The following REXO1 variants were observed in gnomAD, a reference collection of about 807,000 sequenced individuals.
REXO1 encodes REX1, RNA exonuclease 1 homolog.
In REXO1, 42 loss-of-function variants were observed where a neutral mutation model predicts 102.6. The ratio of observed to expected loss-of-function variants is 0.41; its 90% CI spans 0.32 to 0.53. The LOEUF (loss-of-function observed/expected upper bound fraction) is 0.53. REXO1 is among the 20% of genes least tolerant of loss of function. The pLI is 0.27. For missense variants in REXO1, 1,819 were observed against 1,732.5 expected, an observed-to-expected ratio of 1.05 and a Z score of -0.89; for synonymous variants, 908 against 779.1, an observed-to-expected ratio of 1.17 and a Z score of -2.76.
At chr19:1,817,595 G>A in intron 11 of REXO1, 112 bp downstream of exon 11, 1 of 1,442,864 alleles carries the variant, frequency 6.9e-7, no homozygotes, top group Non-Finnish European at 9.4e-7. Flanking sequence ...GGCTGCCCGG[G>A]GGCCCAGACC....
rs200703160 is a variant in REXO1, at chr19:1,816,110, G to A, written c.3622C>T (p.Leu1208=). ...TCTTCTCGAACCTTCCAGATCACCA[G>A]GTGCATGCAGGCGCCGGCGTCCTCG... ...SSEDAGACMH[L]VIWKVREDAK... The change falls in exon 16 of 16, where the codon CTG becomes TTG. Residue 1208 remains leucine (L), a synonymous_variant. Coordinates refer to ENST00000170168, the MANE Select transcript of REXO1 (RefSeq NM_020695.4). 2 of 1,549,414 alleles carry A rather than the reference G, an allele frequency of 1.3e-6. No individual in the cohort carries two copies. Among genetic ancestry groups the A allele is most frequent in the Admixed American group, 3.9e-5 (2 of 51,058 alleles).
At chr19:1,841,205 A>G (rs2011259213) in intron 1 of REXO1, among the ~76,000 whole-genome samples, 1 of 151,892 alleles carries the variant, frequency 6.6e-6, no homozygotes, top group Admixed American at 6.6e-5. Flanking sequence ...TCTCCCTTCT[A>G]CCCTGTTTAT....
Position 1,819,148 on chromosome 19 carries a change from G to A in REXO1, c.2651-17C>T. The A allele has an allele frequency of 6.5e-7, 1 of 1,538,232 alleles. No homozygotes were observed. The highest frequency in any genetic ancestry group is 1.2e-5 in the South Asian group (1 of 81,816). On this transcript the variant is annotated splice_polypyrimidine_tract_variant and intron_variant, in intron 7 of 15. Transcript: ENST00000170168. ...CACTGGTTTCTGGAAGGAAGGGAGG[G>A]AGGGGAGGAGGGTGTGAAGTAGCTG...
At chr19:1,830,058 C>T (rs898448378) in intron 1 of REXO1, among the ~76,000 whole-genome samples, 7 of 152,176 alleles carry the variant, frequency 4.6e-5, no homozygotes, top group African/African-American at 7.2e-5. Context: ...ATGCCACCAA[C>T]GTCAGCACAG....
At chr19:1,845,392 G>A (rs770178799) in intron 1 of REXO1, among the ~76,000 whole-genome samples, 56 of 152,190 alleles carry the variant, frequency 3.7e-4, no homozygotes, top group African/African-American at 1.0e-3. Context: ...AGCCCAGCGC[G>A]GTGCTTCACG....
At chr19:1,822,171 G>T in intron 4 of REXO1, 1 of 337,940 alleles carries the variant, frequency 3.0e-6, no homozygotes, top group Non-Finnish European at 5.3e-6. Context: ...CTGCAACCTG[G>T]GCATGTACGT....
intron 2 of REXO1, 54 bp from the exon 3 acceptor site, chr19:1,825,997 C>G: frequency 7.5e-7 from 1 of 1,327,236 alleles, no homozygotes; most frequent in African/African-American, 1.5e-5. Flanking sequence ...CCAACACCAA[C>G]ACACCCCAAC....
chr19:1,827,943 G>A lies in REXO1; in HGVS notation c.846C>T (p.Cys282=), dbSNP rs149062593. ...PKKLCDPFGS[C]DARFSDSEDE... is the part of the protein sequence containing the mutation. ...CTTCTGAGTCTGAGAACCTTGCATCGCAACTGCCAAAGGGGTCACAGAGCT... is the reference window on the plus strand; with the variant it reads ...CTTCTGAGTCTGAGAACCTTGCATCACAACTGCCAAAGGGGTCACAGAGCT... Residue 282 remains cysteine (C), a synonymous_variant, in exon 2 of 16, where the codon TGC becomes TGT. Transcript: ENST00000170168. The A allele has an allele frequency of 2.1e-4, 338 of 1,613,698 alleles. No homozygotes were observed. The African/African-American group carries it at 3.6e-3, about 17-fold the overall frequency.
chr19:1,829,546 C>A (rs945883283), intron 1 of REXO1, among the ~76,000 whole-genome samples: 1 of 152,134 alleles, frequency 6.6e-6, no homozygotes, highest in Admixed American at 6.5e-5. Context: ...CGGTGGCGCA[C>A]GCCTGTAATC....
chr19:1,821,812 G>T (rs1273314768), intron 4 of REXO1, 130 bp from the exon 5 acceptor site: 1 of 808,434 alleles, frequency 1.2e-6, no homozygotes, highest in Admixed American at 2.8e-5. Flanking sequence ...CCGGGCCAGG[G>T]TGAGGGGCTG....
chr19:1,817,893 G>C, intron 10 of REXO1, 113 bp from the exon 11 acceptor site: 1 of 791,342 alleles, frequency 1.3e-6, no homozygotes, highest in Non-Finnish European at 2.1e-6. Context: ...ACTGAGGACA[G>C]GAGGCCTCAG....
intron 3 of REXO1, 48 bp downstream of exon 3, chr19:1,825,787 TAAAA>T (rs59277540): frequency 4.0e-4 from 395 of 994,480 alleles, no homozygotes; most frequent in East Asian, 5.7e-4. Flanking sequence ...ACCTCGTCTT[TAAAA>T]AAAAAAAAAA....
chr19:1,823,630 A>G lies in REXO1; in HGVS notation c.2172T>C (p.Ile724=). ...RLAEKSPSVH[I]SAPGEKRRIA... is the part of the protein sequence containing the mutation. ...TCCTCCTCTTCTCGCCAGGGGCGGA[A>G]ATGTGGACGGAGGGCGACTTCTCTG... Residue 724 remains isoleucine, a synonymous_variant, in exon 4 of 16, where the codon ATT becomes ATC. Transcript: ENST00000170168. 1 of 1,316,800 alleles carries G rather than the reference A, an allele frequency of 7.6e-7. No individual in the cohort carries two copies. 81.6% of individuals were successfully genotyped at this position (1,316,800 alleles called of 1,614,324 possible). A position where few individuals can be genotyped will look rare whatever the true frequency, so the allele number is the denominator to read the frequency against.
chr19:1,824,203 G>A (rs777522849), intron 3 of REXO1: 20 of 163,930 alleles, frequency 1.2e-4, no homozygotes, highest in Non-Finnish European at 2.2e-4. Context: ...GCACTACCTC[G>A]CCACGTCTGC....
intron 4 of REXO1, chr19:1,823,041 A>T (rs1422555327): frequency 6.5e-6 from 1 of 153,514 alleles, no homozygotes; most frequent in Non-Finnish European, 1.4e-5. Context: ...GACGCAGGAG[A>T]CAGGACAACC....
chr19:1,816,382 T>C, intron 14 of REXO1, 37 bp from the exon 15 acceptor site: 2 of 1,596,732 alleles, frequency 1.3e-6, no homozygotes, highest in South Asian at 1.1e-5. Flanking sequence ...ACGTGGGGCC[T>C]GCGCAGGTCC....
rs749912239 is a variant in REXO1 at position 1,827,840 on chromosome 19, C to A, written c.949G>T (p.Ala317Ser). 6.2e-7 allele frequency: 1 copy of A among 1,612,400 alleles called. No individual in the cohort carries two copies. Among genetic ancestry groups the A allele is most frequent in the Admixed American group, 1.7e-5 (1 of 59,930 alleles). The change falls in exon 2 of 16, where the codon GCC becomes TCC. Residue 317 changes from alanine to serine, a missense_variant. Physicochemically the swap from Ala to Ser is moderately conservative, Grantham distance 99. Coordinates refer to ENST00000170168, the MANE Select transcript of REXO1 (RefSeq NM_020695.4). ...TCTTTGGAGGGTGGCTGCCCGGTGG[C>A]CTTGATCTCAGGGTCGGCCCTGGCT... is the stretch of plus-strand genomic sequence containing the variant. ...PKARADPEIK[A>S]TGQPPSKEGL...
intron 1 of REXO1, among the ~76,000 whole-genome samples, chr19:1,832,320 TGA>T (rs1273579104): frequency 2.0e-5 from 3 of 152,184 alleles, no homozygotes; most frequent in South Asian, 2.1e-4. Context: ...AGCCCAGCGC[TGA>T]GAGAGAGTGT....
chr19:1,816,302 TG>T lies in REXO1; in HGVS notation c.3499del (p.His1167ThrfsTer43). On this transcript the variant is annotated frameshift_variant, in exon 15 of 16. Coordinates refer to ENST00000170168, the MANE Select transcript of REXO1 (RefSeq NM_020695.4). LOFTEE classifies it high-confidence loss of function. ...CCGCTTGTAGGGGAGGCCCAGGCGG[TG>T]GGGGAAGAGCACAGACGTGTCCACC... is the stretch of plus-strand genomic sequence containing the variant. ...TVVDTSVLFP[H>X]RLGLPYKRSL... is the part of the protein sequence containing the mutation. 1 of 1,588,878 alleles carries T rather than the reference TG, an allele frequency of 6.3e-7. No individual in the cohort carries two copies.
Sources: gnomAD v4.1 joint callset for allele counts (sites outside exome capture counted in the v4.1 genomes callset) on GRCh38, gnomAD v4.1.1 for gene constraint, MANE v1.5 for transcripts, NCBI Gene and HGNC (gene_info 2026-07-23, HGNC 2026-07-21) for gene names.